ST3GAL5: variants seen among roughly 807,000 people sequenced by gnomAD.
ST3GAL5 encodes ST3 beta-galactoside alpha-2,3-sialyltransferase 5.
Under a neutral mutation model 46.1 loss-of-function variants are expected in ST3GAL5, and 25 were observed. That is an observed-to-expected ratio of 0.54 (90% CI 0.40 to 0.76). The LOEUF (loss-of-function observed/expected upper bound fraction) is 0.76, where lower values mean the gene tolerates loss of function less well. Ranked by LOEUF, ST3GAL5 falls within the 30% of genes least tolerant of loss-of-function variation. The probability of loss-of-function intolerance (pLI) is 0.00; values close to 1 mark genes in which losing one functional copy is unlikely to be tolerated. For synonymous variants in ST3GAL5, 182 were observed against 192.7 expected, an observed-to-expected ratio of 0.94 and a Z score of 0.46; for missense variants, 431 against 521.2, an observed-to-expected ratio of 0.83 and a Z score of 1.69.
rs1054165224 is a variant in ST3GAL5 at position 85,837,432 on chromosome 2, G to C, written c.*2712C>G. 2 of 152,190 alleles carry C rather than the reference G, an allele frequency of 1.3e-5. No individual in the cohort carries two copies. Among genetic ancestry groups the C allele is most frequent in the African/African-American group, 4.8e-5 (2 of 41,446 alleles). 9.4% of individuals were successfully genotyped at this position (152,190 alleles called of 1,614,324 possible). On this transcript the variant is annotated 3_prime_UTR_variant, in exon 7 of 7. Coordinates refer to ENST00000638572, the MANE Select transcript of ST3GAL5 (RefSeq NM_003896.4). ...TAGATTGGTAGTTACCAGAGGCCAA[G>C]AAGGGTAGGGGGAAATGAAGAGAGG...
rs1163363873 is a variant in ST3GAL5, at chr2:85,846,427, T to G, written c.799A>C (p.Lys267Gln). 6.2e-7 allele frequency: 1 copy of G among 1,614,102 alleles called. No individual in the cohort carries two copies. Among genetic ancestry groups the G allele is most frequent in the Non-Finnish European group, 8.5e-7 (1 of 1,180,038 alleles). Residue 267 changes from lysine (K) to glutamine (Q), a missense_variant, in exon 5 of 7, where the codon AAG (lysine) becomes CAG (glutamine). Coordinates refer to ENST00000638572, the MANE Select transcript of ST3GAL5 (RefSeq NM_003896.4). ...SNDLFVAVLF[K>Q]SVDFNWLQAM... is the part of the protein sequence containing the mutation. ...TGAAGCCAGTTGAAATCAACACTCT[T>G]AAATAAAACAGCAACAAATAAGTCA... is the stretch of plus-strand genomic sequence containing the variant.
rs979864692 is a variant in ST3GAL5 at position 85,837,871 on chromosome 2, T to C, written c.*2273A>G. 3 of 152,112 alleles carry C rather than the reference T, an allele frequency of 2.0e-5. No homozygotes were observed. The highest frequency in any genetic ancestry group is 7.2e-5 in the African/African-American group (3 of 41,398). 9.4% of individuals were successfully genotyped at this position (152,112 alleles called of 1,614,324 possible). ...GTGTGTGTGCGGGTCTAGAATGCAATACAAAGCTGTTAGTGTGGCAGTGAA... is the reference window on the plus strand; with the variant it reads ...GTGTGTGTGCGGGTCTAGAATGCAACACAAAGCTGTTAGTGTGGCAGTGAA... On this transcript the variant is annotated 3_prime_UTR_variant, in exon 7 of 7. Coordinates refer to ENST00000638572, the MANE Select transcript of ST3GAL5 (RefSeq NM_003896.4).
intron 6 of ST3GAL5, chr2:85,840,636 C>A (rs1415030153): frequency 3.7e-6 from 2 of 537,016 alleles, no homozygotes; most frequent in South Asian, 2.0e-5. Flanking sequence ...ACAATTCTTA[C>A]ACCAAGTTAA....
chr2:85,868,476 ATTTTT>A (rs33930859), intron 1 of ST3GAL5, among the ~76,000 whole-genome samples: 1 of 134,296 alleles, frequency 7.4e-6, no homozygotes, highest in African/African-American at 2.8e-5. Context: ...TAATTTTTGT[ATTTTT>A]TTTTTTTTTT....
chr2:85,858,469 C>A (rs1016475199), intron 3 of ST3GAL5, among the ~76,000 whole-genome samples: 11 of 152,198 alleles, frequency 7.2e-5, no homozygotes, highest in African/African-American at 1.9e-4. Flanking sequence ...TGCCACCACG[C>A]CCAGCTAATT....
intron 1 of ST3GAL5, chr2:85,870,406 C>T: frequency 5.5e-6 from 2 of 366,084 alleles, no homozygotes; most frequent in South Asian, 4.2e-5. Context: ...GGCCTGTCTT[C>T]TTCTGTCCTG....
chr2:85,888,986 C>A lies in ST3GAL5; in HGVS notation c.-81G>T. ...CCCCAGCGCCGCTCTCGCGCCCATT[C>A]AGCTGGGGGCCGCCGCTCCCCCGCT... On this transcript the variant is annotated 5_prime_UTR_variant, in exon 1 of 7. Coordinates refer to ENST00000638572, the MANE Select transcript of ST3GAL5 (RefSeq NM_003896.4). 9.2e-7 allele frequency: 1 copy of A among 1,089,072 alleles called. No homozygotes were observed. 67.5% of individuals were successfully genotyped at this position (1,089,072 alleles called of 1,614,324 possible).
At chr2:85,849,986 A>C (rs1683297465) in intron 3 of ST3GAL5, 1 of 152,068 alleles carries the variant, frequency 6.6e-6, no homozygotes, top group African/African-American at 2.4e-5. Flanking sequence ...ATAGGTTTAA[A>C]TGTTCATCCC....
intron 1 of ST3GAL5, among the ~76,000 whole-genome samples, chr2:85,885,414 A>G (rs1687628688): frequency 6.6e-6 from 1 of 152,178 alleles, no homozygotes; most frequent in South Asian, 2.1e-4. Flanking sequence ...TGCTGGCACC[A>G]TACACAGCCA....
At position 85,885,841 on chromosome 2, in the gene ST3GAL5, A is replaced by G. The variant is rs1209580875; in HGVS notation, c.82+2983T>C. On this transcript the variant is annotated intron_variant, in intron 1 of 6. Transcript: ENST00000638572. Reference sequence around the variant, plus strand: ...CTGTCTCAAAAAAAAAAAAAAGAAAAAAAAAACTGGAGTAAAATAGCTGTG... The same window carrying G: ...CTGTCTCAAAAAAAAAAAAAAGAAAGAAAAAACTGGAGTAAAATAGCTGTG... 9.9e-5 allele frequency among the ~76,000 whole-genome samples: 15 copies of G among 152,038 alleles called. 1 individual carries two copies. Among genetic ancestry groups the G allele is most frequent in the Admixed American group, 9.2e-4 (14 of 15,250 alleles).
intron 6 of ST3GAL5, among the ~76,000 whole-genome samples, chr2:85,843,499 T>C (rs1298735506): frequency 1.3e-5 from 2 of 152,270 alleles, no homozygotes; most frequent in Non-Finnish European, 2.9e-5. Flanking sequence ...TGAACATTTT[T>C]ACATGTATTC....
At chr2:85,887,138 T>A (rs1687851662) in intron 1 of ST3GAL5, among the ~76,000 whole-genome samples, 2 of 152,130 alleles carry the variant, frequency 1.3e-5, no homozygotes, top group African/African-American at 4.8e-5. Context: ...GCCAACCTGC[T>A]AGATAAATTC....
At chr2:85,851,287 G>A (rs945626782) in intron 3 of ST3GAL5, 13 of 1,135,570 alleles carry the variant, frequency 1.1e-5, no homozygotes, top group Non-Finnish European at 1.4e-5. Flanking sequence ...CCCCTCCTGC[G>A]CCTAAGTGAC....
chr2:85,882,850 T>C (rs892775193), intron 1 of ST3GAL5, among the ~76,000 whole-genome samples: 1 of 88,756 alleles, frequency 1.1e-5, no homozygotes, highest in Non-Finnish European at 2.4e-5. Flanking sequence ...AAAAAAAAAA[T>C]TGACTGCTCC....
intron 1 of ST3GAL5, among the ~76,000 whole-genome samples, chr2:85,872,451 C>T (rs1558695248): frequency 6.6e-6 from 1 of 151,998 alleles, no homozygotes; most frequent in African/African-American, 2.4e-5. Flanking sequence ...GGCATGGTGG[C>T]GCACGCTTGT....
chr2:85,865,392 T>C (rs558625008), intron 1 of ST3GAL5, among the ~76,000 whole-genome samples: 1 of 152,330 alleles, frequency 6.6e-6, no homozygotes, highest in African/African-American at 2.4e-5. Flanking sequence ...AAACAATCTC[T>C]TCCTTAACTC....
rs975959110 is a variant in ST3GAL5 at position 85,838,611 on chromosome 2, C to T, written c.*1533G>A. On this transcript the variant is annotated 3_prime_UTR_variant, in exon 7 of 7. Coordinates refer to ENST00000638572, the MANE Select transcript of ST3GAL5 (RefSeq NM_003896.4). ...AAACGAGAGAAATATGACTTTTGCT[C>T]TCCTGGCCACTCTGAGCTGGATCCC... The T allele has an allele frequency of 1.3e-5, 2 of 152,254 alleles. No individual in the cohort carries two copies. The highest frequency in any genetic ancestry group is 4.8e-5 in the African/African-American group (2 of 41,450). The allele number at this position is 152,254 out of a possible 1,614,324, so 9.4% of individuals were successfully genotyped here.
At chr2:85,875,891 G>A (rs981440901) in intron 1 of ST3GAL5, among the ~76,000 whole-genome samples, 2 of 152,154 alleles carry the variant, frequency 1.3e-5, no homozygotes, top group African/African-American at 4.8e-5. Context: ...ATTACAGGCA[G>A]CACCTCAGAG....
rs745590126 is a variant in ST3GAL5, at chr2:85,848,080, G to T, written c.443C>A (p.Ala148Asp). 2.5e-6 allele frequency: 4 copies of T among 1,614,154 alleles called. No homozygotes were observed. Among genetic ancestry groups the T allele is most frequent in the Admixed American group, 3.3e-5 (2 of 60,028 alleles). The change falls in exon 4 of 7, where the codon GCC (alanine) becomes GAC (aspartate). Residue 148 changes from alanine (A) to aspartate (D), a missense_variant. Coordinates refer to ENST00000638572, the MANE Select transcript of ST3GAL5 (RefSeq NM_003896.4). Reference sequence around the variant, plus strand: ...GGACTCAGCTTCACTGTCTTTGGGGGCCTTCTGCACAAAAGGGAGTAAGTC... The same window carrying T: ...GGACTCAGCTTCACTGTCTTTGGGGTCCTTCTGCACAAAAGGGAGTAAGTC... ...SVDLLPFVQKAPKDSEAESKY... is the reference protein window; with the variant it reads ...SVDLLPFVQKDPKDSEAESKY...
Sources: gnomAD v4.1 joint callset for allele counts (sites outside exome capture counted in the v4.1 genomes callset) on GRCh38, gnomAD v4.1.1 for gene constraint, MANE v1.5 for transcripts, NCBI Gene and HGNC (gene_info 2026-07-23, HGNC 2026-07-21) for gene names.